The following FAM107B variants were observed in gnomAD, a reference collection of about 807,000 sequenced individuals.
FAM107B encodes family with sequence similarity 107 member B, also known as protein FAM107B.
FAM107B carries 21 observed loss-of-function variants against 31.5 expected under a neutral mutation model. The ratio of observed to expected loss-of-function variants is 0.67; its 90% CI spans 0.47 to 0.96. The LOEUF (loss-of-function observed/expected upper bound fraction) is 0.96, where lower values mean the gene tolerates loss of function less well. Among genes scored for constraint, FAM107B ranks in the 40% least tolerant of loss-of-function variants. FAM107B has a pLI of 0.00. For missense variants in FAM107B, 452 were observed against 377.1 expected, an observed-to-expected ratio of 1.20 and a Z score of -1.64; for synonymous variants, 157 against 141.5, an observed-to-expected ratio of 1.11 and a Z score of -0.78.
intron 2 of FAM107B, among the ~76,000 whole-genome samples, chr10:14,617,355 G>A (rs1852880343): frequency 6.6e-6 from 1 of 152,176 alleles, no homozygotes; most frequent in Admixed American, 6.5e-5. Context: ...GGCCTTACTG[G>A]TTTTAATCCC....
intron 1 of FAM107B, among the ~76,000 whole-genome samples, chr10:14,745,267 A>G (rs948549409): frequency 6.6e-6 from 1 of 151,356 alleles, no homozygotes; most frequent in Admixed American, 6.6e-5. Context: ...GGATTTGCTA[A>G]TTTTTTGAAG....
chr10:14,731,181 T>C (rs1370493347), intron 1 of FAM107B, among the ~76,000 whole-genome samples: 1 of 152,064 alleles, frequency 6.6e-6, no homozygotes, highest in Non-Finnish European at 1.5e-5. Context: ...GTGTCAATAC[T>C]AAAAAGGTGT....
intron 2 of FAM107B, among the ~76,000 whole-genome samples, chr10:14,552,802 T>G (rs1849377289): frequency 6.6e-6 from 1 of 151,958 alleles, no homozygotes; most frequent in East Asian, 1.9e-4. Context: ...CTGTACTGGG[T>G]GACAGAGTAA....
At chr10:14,623,636 G>T (rs1426326795) in intron 2 of FAM107B, among the ~76,000 whole-genome samples, 4 of 152,198 alleles carry the variant, frequency 2.6e-5, no homozygotes, top group Non-Finnish European at 4.4e-5. Flanking sequence ...GACCAGCCTG[G>T]CCAACATGGT....
intron 2 of FAM107B, among the ~76,000 whole-genome samples, chr10:14,665,191 T>C (rs1854374637): frequency 6.6e-6 from 1 of 152,216 alleles, no homozygotes; most frequent in East Asian, 1.9e-4. Flanking sequence ...ATTCTAAATG[T>C]CTACCTACAC....
chr10:14,621,254 C>T (rs1035144944), intron 2 of FAM107B, among the ~76,000 whole-genome samples: 10 of 152,014 alleles, frequency 6.6e-5, no homozygotes, highest in Non-Finnish European at 4.4e-5. Flanking sequence ...TTTCACATTT[C>T]GATGTTTTGA....
In FAM107B at chr10:14,687,868, G is replaced by C. The variant is rs567900349; in HGVS notation, c.412-20177C>G. Among the ~76,000 whole-genome samples, 68 of 152,212 alleles carry C rather than the reference G, an allele frequency of 4.5e-4. No homozygotes were observed. The South Asian group carries it at 0.013, about 30-fold the overall frequency. On this transcript the variant is annotated intron_variant, in intron 1 of 4. Coordinates refer to ENST00000181796, the MANE Select transcript of FAM107B (RefSeq NM_031453.4). ...ACATACGTGCACACACACAAAAACA[G>C]TCATGTACACACATACACACAAATG...
At chr10:14,650,769 C>A (rs1427954892) in intron 2 of FAM107B, among the ~76,000 whole-genome samples, 1 of 152,140 alleles carries the variant, frequency 6.6e-6, no homozygotes, top group East Asian at 1.9e-4. Context: ...CATTAGCTTT[C>A]TTTCTATTTT....
At chr10:14,526,807 AATCT>A (rs1299170620) in intron 3 of FAM107B, among the ~76,000 whole-genome samples, 14 of 152,226 alleles carry the variant, frequency 9.2e-5, no homozygotes, top group African/African-American at 2.4e-4. Flanking sequence ...TAGAGCACAG[AATCT>A]ATCTCTCTAA....
At chr10:14,764,928 T>C (rs1210818732) in intron 1 of FAM107B, among the ~76,000 whole-genome samples, 3 of 152,224 alleles carry the variant, frequency 2.0e-5, no homozygotes, top group Non-Finnish European at 4.4e-5. Context: ...CCCCAGTGAC[T>C]CTTTGGGTAG....
chr10:14,536,471 CGGGTCAGCCTGAAAA>C (rs1437861407), intron 2 of FAM107B, among the ~76,000 whole-genome samples: 1 of 152,152 alleles, frequency 6.6e-6, no homozygotes, highest in Non-Finnish European at 1.5e-5. Flanking sequence ...AACTCCAGGC[CGGGTCAGCCTGAAAA>C]GGGAAAGACA....
chr10:14,571,824 T>A, intron 2 of FAM107B: 1 of 985,476 alleles, frequency 1.0e-6, no homozygotes, highest in Non-Finnish European at 1.2e-6. Flanking sequence ...TGAAAAATCA[T>A]CCTTTAGCAA....
At chr10:14,622,505 CTATGT>C (rs1429523900) in intron 2 of FAM107B, among the ~76,000 whole-genome samples, 1 of 152,100 alleles carries the variant, frequency 6.6e-6, no homozygotes, top group Non-Finnish European at 1.5e-5. Flanking sequence ...CGGGGTTTCA[CTATGT>C]TGGCCAGGCT....
At chr10:14,694,042 G>C (rs1382636066) in intron 1 of FAM107B, among the ~76,000 whole-genome samples, 1 of 152,118 alleles carries the variant, frequency 6.6e-6, no homozygotes, top group Non-Finnish European at 1.5e-5. Context: ...TGTGGTAAAG[G>C]GCTGGACCTT....
chr10:14,579,590 T>C (rs569612629), intron 2 of FAM107B, among the ~76,000 whole-genome samples: 13 of 152,316 alleles, frequency 8.5e-5, no homozygotes, highest in African/African-American at 3.1e-4. Flanking sequence ...AATCCAGAAA[T>C]TTCTGTTAGT....
At chr10:14,637,553 A>T (rs141495714) in intron 2 of FAM107B, among the ~76,000 whole-genome samples, 154 of 152,242 alleles carry the variant, frequency 1.0e-3, no homozygotes, top group African/African-American at 3.0e-3. Context: ...CTGAGGTCAG[A>T]GGATGGCTTT....
rs1323762594 is a variant in FAM107B at position 14,551,344 on chromosome 10, C to T, written c.470-20829G>A. 5.9e-5 allele frequency among the ~76,000 whole-genome samples: 9 copies of T among 152,132 alleles called. No individual in the cohort carries two copies. The East Asian group carries it at 1.7e-3, about 29-fold the overall frequency. On this transcript the variant is annotated intron_variant, in intron 2 of 4. Transcript: ENST00000181796. ...ATTTTCAGTAGAGACGGGGTTTCAC[C>T]ATGTTGGCCAGGCTGGTCTTAAACT...
intron 2 of FAM107B, among the ~76,000 whole-genome samples, chr10:14,546,907 C>T (rs1182150662): frequency 6.6e-6 from 1 of 152,188 alleles, no homozygotes; most frequent in Non-Finnish European, 1.5e-5. Flanking sequence ...CAGATGCCCC[C>T]TTTTCTCACC....
In FAM107B at chr10:14,643,975, A is replaced by G. The variant is rs949431282; in HGVS notation, c.469+23659T>C. Reference sequence around the variant, plus strand: ...AAAGACATAAGAAAACAGCTGTCCAATTGAAGAATTTTTAGAGCTGCTATT... The same window carrying G: ...AAAGACATAAGAAAACAGCTGTCCAGTTGAAGAATTTTTAGAGCTGCTATT... On this transcript the variant is annotated intron_variant, in intron 2 of 4. Transcript: ENST00000181796. Among the ~76,000 whole-genome samples, 5 of 152,204 alleles carry G rather than the reference A, an allele frequency of 3.3e-5. No homozygotes were observed. In the South Asian group the frequency reaches 8.3e-4, roughly 25 times the overall value.
Sources: allele counts gnomAD v4.1 joint callset (sites outside exome capture counted in the v4.1 genomes callset), GRCh38; gene constraint gnomAD v4.1.1; transcripts MANE v1.5; gene names NCBI Gene and HGNC (gene_info 2026-07-23, HGNC 2026-07-21).